The following PKD1L3 variants were observed in gnomAD, a reference collection of about 807,000 sequenced individuals.
The protein encoded by PKD1L3 is polycystin 1 like 3, transient receptor potential channel interacting, also known as polycystin-1-like protein 3.
A neutral mutation model predicts 184.1 loss-of-function variants in PKD1L3; 239 were observed. The ratio of observed to expected loss-of-function variants is 1.30; its 90% CI spans 1.17 to 1.45. The LOEUF (loss-of-function observed/expected upper bound fraction) is 1.45. PKD1L3 is among the 40% of genes most tolerant of loss of function. PKD1L3 has a pLI of 0.00. For synonymous variants in PKD1L3, 996 were observed against 778.8 expected (o/e 1.28, Z -4.64); for missense variants, 2,660 against 2,067.2 (o/e 1.29, Z -5.56).
Position 71,970,031 on chromosome 16 carries a change from A to G in PKD1L3, c.2028T>C (p.Phe676=), listed in dbSNP as rs900246071. 6.4e-7 allele frequency: 1 copy of G among 1,551,680 alleles called. No individual in the cohort carries two copies. Among genetic ancestry groups the G allele is most frequent in the East Asian group, 2.4e-5 (1 of 40,912 alleles). ...CAACATTCACGGTCCTGGGCACGACAAAGAAGTCGCTGGCAAAGAAGGTCA... is the reference window on the plus strand; with the variant it reads ...CAACATTCACGGTCCTGGGCACGACGAAGAAGTCGCTGGCAAAGAAGGTCA... The part of the protein sequence containing the change: ...NHLTFFASDF[F]VVPRTVNVED... Residue 676 remains phenylalanine (F), a synonymous_variant, in exon 13 of 30, where the codon TTT becomes TTC. Transcript: ENST00000620267.
intron 7 of PKD1L3, among the ~76,000 whole-genome samples, chr16:71,981,159 T>C (rs1221543723): frequency 1.3e-5 from 2 of 152,248 alleles, no homozygotes; most frequent in Non-Finnish European, 2.9e-5. Context: ...ACTTTTTGGC[T>C]ATTTAGCTAT....
chr16:71,946,125 A>C (rs547558376), intron 22 of PKD1L3, among the ~76,000 whole-genome samples: 1 of 152,074 alleles, frequency 6.6e-6, no homozygotes, highest in East Asian at 1.9e-4. Context: ...CACCCAGCTA[A>C]TTTTGTATTT....
At chr16:71,993,921 C>T (rs562300597) in intron 2 of PKD1L3, among the ~76,000 whole-genome samples, 28 of 152,242 alleles carry the variant, frequency 1.8e-4, no homozygotes, top group Admixed American at 8.5e-4. Context: ...ATTACAGGCA[C>T]GTGCCACCAC....
chr16:71,944,601 T>A (rs1453544741), intron 22 of PKD1L3, among the ~76,000 whole-genome samples: 1 of 152,130 alleles, frequency 6.6e-6, no homozygotes, highest in Non-Finnish European at 1.5e-5. Flanking sequence ...GAGGACTGAT[T>A]AAGCCCAGGA....
intron 11 of PKD1L3, among the ~76,000 whole-genome samples, chr16:71,976,272 T>TTTTTTTTTTTTTC (rs2039919919): frequency 2.1e-5 from 3 of 141,218 alleles, no homozygotes; most frequent in Non-Finnish European, 4.6e-5. Context: ...GTCTTTTTTT[T>TTTTTTTTTTTTTC]TTTTTTTTAA....
At chr16:71,942,379 A>C (rs2038390668) in intron 24 of PKD1L3, among the ~76,000 whole-genome samples, 181 bp downstream of exon 24, 1 of 151,992 alleles carries the variant, frequency 6.6e-6, no homozygotes, top group Non-Finnish European at 1.5e-5. Context: ...TATACAGATA[A>C]ATTAGAATCT....
intron 16 of PKD1L3, among the ~76,000 whole-genome samples, chr16:71,959,102 A>AAG (rs1292035764): frequency 6.6e-6 from 1 of 150,398 alleles, no homozygotes; most frequent in Non-Finnish European, 1.5e-5. Context: ...AAAAAAAAAA[A>AAG]AAGACACTAA....
At chr16:71,982,278 CTTTTTTTT>C (rs35324670) in intron 6 of PKD1L3, 43 bp from the exon 7 acceptor site, 65 of 432,702 alleles carry the variant, frequency 1.5e-4, no homozygotes, top group Admixed American at 2.6e-4. Flanking sequence ...GAATTGTTTG[CTTTTTTTT>C]TTTTTTTTTT....
rs538936457 is a variant in PKD1L3 at position 71,996,764 on chromosome 16, T to C, written c.418+1508A>G. Among the ~76,000 whole-genome samples, 11 of 152,198 alleles carry C rather than the reference T, an allele frequency of 7.2e-5. No individual in the cohort carries two copies. The South Asian group carries it at 2.1e-3, about 29-fold the overall frequency. On this transcript the variant is annotated intron_variant, in intron 2 of 29. Transcript: ENST00000620267. ...TGGAGATTGCTGTGTGTATCAATAGTTTGTTTCTTTTTATTACTGAATTGG... is the reference window on the plus strand; with the variant it reads ...TGGAGATTGCTGTGTGTATCAATAGCTTGTTTCTTTTTATTACTGAATTGG...
intron 14 of PKD1L3, 78 bp from the exon 15 acceptor site, chr16:71,967,393 A>AT: frequency 7.4e-7 from 1 of 1,345,556 alleles, no homozygotes; most frequent in Non-Finnish European, 1.0e-6. Context: ...GAGAAAGACG[A>AT]AGACATAGAA....
intron 10 of PKD1L3, 39 bp from the exon 11 acceptor site, chr16:71,977,506 C>G: frequency 7.1e-7 from 1 of 1,417,196 alleles, no homozygotes; most frequent in Non-Finnish European, 9.7e-7. Context: ...ATGGTCCATC[C>G]ATTGATGTCT....
At chr16:71,971,891 A>G (rs1287522369) in intron 12 of PKD1L3, among the ~76,000 whole-genome samples, 5 of 151,748 alleles carry the variant, frequency 3.3e-5, no homozygotes, top group Admixed American at 6.6e-5. Flanking sequence ...GACCAGCCTG[A>G]CCAACATGGA....
intron 2 of PKD1L3, among the ~76,000 whole-genome samples, chr16:71,994,961 C>T (rs1336573936): frequency 6.6e-6 from 1 of 152,010 alleles, no homozygotes; most frequent in African/African-American, 2.4e-5. Context: ...ACACTCCAGC[C>T]TGGGCAACAA....
intron 1 of PKD1L3, among the ~76,000 whole-genome samples, chr16:71,999,437 T>C (rs181646436): frequency 6.6e-6 from 1 of 152,312 alleles, no homozygotes; most frequent in Non-Finnish European, 1.5e-5. Flanking sequence ...AGCATAATTC[T>C]TTTAGTGAAA....
At chr16:71,940,414 G>A (rs889411993) in intron 24 of PKD1L3, among the ~76,000 whole-genome samples, 2 of 152,036 alleles carry the variant, frequency 1.3e-5, no homozygotes, top group African/African-American at 4.8e-5. Context: ...GAGTTTGTAG[G>A]GTCTCTAAAA....
At chr16:71,996,971 T>C (rs1269263278) in intron 2 of PKD1L3, among the ~76,000 whole-genome samples, 1 of 110,020 alleles carries the variant, frequency 9.1e-6, no homozygotes, top group Non-Finnish European at 1.9e-5. Flanking sequence ...TTTTTTTTTT[T>C]CTCCTTGAGT....
rs2040355412 is a variant in PKD1L3 at position 71,986,231 on chromosome 16, GC to G, written c.823del (p.Ala275HisfsTer6). On this transcript the variant is annotated frameshift_variant, in exon 5 of 30. Coordinates refer to ENST00000620267, the MANE Select transcript of PKD1L3 (RefSeq NM_181536.2). LOFTEE classifies it high-confidence loss of function. ...ATTTCCCATGTTTACCTGACCAGAT[GC>G]CTTCTGCAATGACACTTGTAGATAA... ...TSYLQVSLQK[A>X]SGQVIDEIAG... is the part of the protein sequence containing the mutation. 1 of 1,552,226 alleles carries G rather than the reference GC, an allele frequency of 6.4e-7. No individual in the cohort carries two copies. Among genetic ancestry groups the G allele is most frequent in the South Asian group, 1.2e-5 (1 of 84,048 alleles).
intron 19 of PKD1L3, 60 bp from the exon 20 acceptor site, chr16:71,950,370 G>C: frequency 1.4e-6 from 2 of 1,383,832 alleles, no homozygotes; most frequent in Non-Finnish European, 2.0e-6. Context: ...AGCAATTAGT[G>C]GTAGAGATTA....
intron 21 of PKD1L3, among the ~76,000 whole-genome samples, chr16:71,948,993 T>G (rs1229344947): frequency 6.6e-6 from 1 of 151,984 alleles, no homozygotes; most frequent in Non-Finnish European, 1.5e-5. Flanking sequence ...ACAGTCTGTA[T>G]CTTTTAGAAA....
Sources: allele counts gnomAD v4.1 joint callset (sites outside exome capture counted in the v4.1 genomes callset), GRCh38; gene constraint gnomAD v4.1.1; transcripts MANE v1.5; gene names NCBI Gene and HGNC (gene_info 2026-07-23, HGNC 2026-07-21).